The following NFATC1 variants were observed in gnomAD, a reference collection of about 807,000 sequenced individuals.
The protein encoded by NFATC1 is nuclear factor of activated T cells 1.
A neutral mutation model predicts 76.0 loss-of-function variants in NFATC1; 22 were observed. The ratio of observed to expected loss-of-function variants is 0.29; its 90% CI spans 0.21 to 0.41. The LOEUF is 0.41. Ranked by LOEUF, NFATC1 falls within the 10% of genes least tolerant of loss-of-function variation. The pLI is 1.00. For missense variants in NFATC1, 1,357 were observed against 1,337.7 expected, an observed-to-expected ratio of 1.01 and a Z score of -0.23; for synonymous variants, 704 against 613.1, an observed-to-expected ratio of 1.15 and a Z score of -2.19.
chr18:79,494,949 A>G lies in NFATC1; in HGVS notation c.2782+8012A>G, dbSNP rs879201067. 3.6e-3 allele frequency among the ~76,000 whole-genome samples: 476 copies of G among 131,898 alleles called. 3 individuals are homozygous for G. Among genetic ancestry groups the G allele is most frequent in the Admixed American group, 6.0e-3 (77 of 12,786 alleles). The allele number at this position is 131,898 out of a possible 152,430, so 86.5% of individuals were successfully genotyped here. A position where few individuals can be genotyped will look rare whatever the true frequency, so the allele number is the denominator to read the frequency against. On this transcript the variant is annotated intron_variant, in intron 9 of 9. Transcript: ENST00000427363. ...GGCACACGCCCCCCATCAACCTGGTACGGCCGGGGGAAGGCGAGAGCGGGC... is the reference window on the plus strand; with the variant it reads ...GGCACACGCCCCCCATCAACCTGGTGCGGCCGGGGGAAGGCGAGAGCGGGC...
chr18:79,415,768 T>G (rs1473440291), intron 2 of NFATC1, among the ~76,000 whole-genome samples: 2 of 152,098 alleles, frequency 1.3e-5, no homozygotes, highest in African/African-American at 4.8e-5. Context: ...ATAACGTATA[T>G]TCAAATCTCT....
chr18:79,476,490 C>T (rs138218475), intron 8 of NFATC1, among the ~76,000 whole-genome samples: 39 of 152,382 alleles, frequency 2.6e-4, no homozygotes, highest in Middle Eastern at 3.4e-3. Flanking sequence ...TGGAGCAGCA[C>T]GGGGCCACCA....
chr18:79,514,917 A>C (rs1304467369), intron 9 of NFATC1, among the ~76,000 whole-genome samples: 2 of 151,956 alleles, frequency 1.3e-5, no homozygotes, highest in East Asian at 3.9e-4. Flanking sequence ...GGTAGCATGC[A>C]CCTGTGGTCC....
At position 79,404,876 on chromosome 18, in the gene NFATC1, T is replaced by C. The variant is rs1165588733; in HGVS notation, c.128-5527T>C. On this transcript the variant is annotated intron_variant, in intron 1 of 9. Transcript: ENST00000427363. ...GCAAGGTTAGAATGCTGTGCACCTG[T>C]AGGGAGCCCTGACCAGAAGTATTTC... Among the ~76,000 whole-genome samples the C allele has an allele frequency of 5.9e-5, 9 of 152,334 alleles. No homozygotes were observed. The East Asian group carries it at 1.7e-3, about 29-fold the overall frequency.
Position 79,451,002 on chromosome 18 carries a change from T to A in NFATC1, c.1638T>A (p.Leu546=). 1 of 1,613,762 alleles carries A rather than the reference T, an allele frequency of 6.2e-7. No homozygotes were observed. Among genetic ancestry groups the A allele is most frequent in the South Asian group, 1.1e-5 (1 of 91,084 alleles). The change falls in exon 5 of 10, where the codon CTT becomes CTA. Residue 546 remains leucine, a synonymous_variant. Transcript: ENST00000427363. ...ILKLRNSDIE[L]RKGETDIGRK... ...AACTCAGAAACTCCGACATTGAACT[T>A]CGGAAAGGAGAGACGGACATCGGGA...
At chr18:79,525,826 C>G (rs561092739) in intron 9 of NFATC1, among the ~76,000 whole-genome samples, 32 of 152,366 alleles carry the variant, frequency 2.1e-4, no homozygotes, top group African/African-American at 7.7e-4. Flanking sequence ...GTGTCTTCCT[C>G]CTGGGCAGGT....
intron 2 of NFATC1, among the ~76,000 whole-genome samples, chr18:79,420,100 G>C (rs2148233977): frequency 6.6e-6 from 1 of 152,348 alleles, no homozygotes; most frequent in Non-Finnish European, 1.5e-5. Flanking sequence ...AGACCATGTG[G>C]CCTGCATGCT....
At chr18:79,401,020 CG>C (rs745691031) in intron 1 of NFATC1, among the ~76,000 whole-genome samples, 4 of 128,012 alleles carry the variant, frequency 3.1e-5, no homozygotes, top group Non-Finnish European at 5.0e-5. Flanking sequence ...CAAGTTTACC[CG>C]GAGCTACCAT....
At chr18:79,396,416 G>T in intron 1 of NFATC1, 65 bp downstream of exon 1, 1 of 1,031,660 alleles carries the variant, frequency 9.7e-7, no homozygotes, top group South Asian at 4.7e-5. Context: ...CGCGCCCCCC[G>T]ACCCCGCCCC....
At chr18:79,464,837 C>CT (rs1470021677) in intron 7 of NFATC1, among the ~76,000 whole-genome samples, 2 of 150,934 alleles carry the variant, frequency 1.3e-5, no homozygotes, top group Non-Finnish European at 2.9e-5. Context: ...TCGCCAGTAG[C>CT]TGGGGACACA....
chr18:79,529,080 A>G lies in NFATC1; in HGVS notation c.*1503A>G, dbSNP rs923968989. On this transcript the variant is annotated 3_prime_UTR_variant, in exon 10 of 10. Transcript: ENST00000427363. ...GGCCTGTACCGTGCGCTCCGGCACA[A>G]TCGCGTCTCTTGTGTCTCACTCACG... 10 of 152,368 alleles carry G rather than the reference A, an allele frequency of 6.6e-5. No individual in the cohort carries two copies. Among genetic ancestry groups the G allele is most frequent in the Admixed American group, 3.3e-4 (5 of 15,278 alleles). The allele number at this position is 152,368 out of a possible 1,614,324, so 9.4% of individuals were successfully genotyped here. A position where few individuals can be genotyped will look rare whatever the true frequency, so the allele number is the denominator to read the frequency against.
At chr18:79,512,180 GCCCCAGGACACGGCCTCA>G (rs1265127195) in intron 9 of NFATC1, among the ~76,000 whole-genome samples, 29 of 151,778 alleles carry the variant, frequency 1.9e-4, no homozygotes, top group East Asian at 1.6e-3. Flanking sequence ...ACACGGCCTC[GCCCCAGGACACGGCCTCA>G]CCCCAGGACA....
chr18:79,479,633 G>A (rs143724087), intron 8 of NFATC1, among the ~76,000 whole-genome samples: 122 of 152,348 alleles, frequency 8.0e-4, no homozygotes, highest in African/African-American at 2.8e-3. Context: ...GCTTCTCTCT[G>A]TATTGGGAAG....
At chr18:79,442,668 C>T (rs989622045) in intron 3 of NFATC1, among the ~76,000 whole-genome samples, 16 of 152,308 alleles carry the variant, frequency 1.1e-4, no homozygotes, top group South Asian at 2.1e-4. Context: ...CAGCAGTGTG[C>T]GGTTGTTGGC....
intron 2 of NFATC1, among the ~76,000 whole-genome samples, chr18:79,416,057 C>G (rs554463921): frequency 6.6e-6 from 1 of 152,212 alleles, no homozygotes; most frequent in African/African-American, 2.4e-5. Flanking sequence ...AGCGAGACTC[C>G]GTCTCCAAAC....
At chr18:79,477,868 T>C (rs1016804017) in intron 8 of NFATC1, among the ~76,000 whole-genome samples, 7 of 152,116 alleles carry the variant, frequency 4.6e-5, no homozygotes, top group Non-Finnish European at 1.0e-4. Flanking sequence ...GATTTGTCTC[T>C]CCCTCCCTGT....
intron 9 of NFATC1, among the ~76,000 whole-genome samples, chr18:79,510,841 GCATCCTCT>G: frequency 6.7e-6 from 1 of 149,372 alleles, no homozygotes; most frequent in South Asian, 2.2e-4. Context: ...CTCTGCCGGG[GCATCCTCT>G]GCCGGGGCAT....
At chr18:79,511,090 G>A (rs1270556272) in intron 9 of NFATC1, among the ~76,000 whole-genome samples, 2 of 152,226 alleles carry the variant, frequency 1.3e-5, no homozygotes, top group South Asian at 2.1e-4. Context: ...TAGAGCTAAC[G>A]AGAGTCCACC....
chr18:79,479,713 C>T (rs868382241), intron 8 of NFATC1, among the ~76,000 whole-genome samples: 3 of 152,240 alleles, frequency 2.0e-5, no homozygotes, highest in Non-Finnish European at 4.4e-5. Context: ...GCGGGTCAGG[C>T]GGGGCCATTC....
Sources: gnomAD v4.1 joint callset for allele counts (sites outside exome capture counted in the v4.1 genomes callset) on GRCh38, gnomAD v4.1.1 for gene constraint, MANE v1.5 for transcripts, NCBI Gene and HGNC (gene_info 2026-07-23, HGNC 2026-07-21) for gene names.